PDE11A: variants seen among roughly 807,000 people sequenced by gnomAD.
PDE11A encodes the protein phosphodiesterase 11A.
PDE11A carries 100 observed loss-of-function variants against 100.5 expected under a neutral mutation model. That is an observed-to-expected ratio of 1.00 (90% CI 0.85 to 1.18). The LOEUF (loss-of-function observed/expected upper bound fraction) is 1.18, where lower values mean the gene tolerates loss of function less well. Among genes scored for constraint, PDE11A ranks in the 50% most tolerant of loss-of-function variants. The pLI is 0.00. For synonymous variants in PDE11A, 381 were observed against 420.8 expected (o/e 0.91, Z 1.16); for missense variants, 1,141 against 1,152.6 (o/e 0.99, Z 0.15).
chr2:177,784,929 C>T (rs532916729), intron 9 of PDE11A, among the ~76,000 whole-genome samples: 1 of 152,302 alleles, frequency 6.6e-6, no homozygotes, highest in South Asian at 2.1e-4. Flanking sequence ...AGGATTTAAT[C>T]TGTTTATACG....
At chr2:177,889,480 G>T (rs1179190235) in intron 4 of PDE11A, among the ~76,000 whole-genome samples, 1 of 150,914 alleles carries the variant, frequency 6.6e-6, no homozygotes, top group African/African-American at 2.5e-5. Flanking sequence ...TTATAATTTT[G>T]AATGTTTTTT....
At position 177,741,566 on chromosome 2, in the gene PDE11A, G is replaced by C. The variant is rs1366568233; in HGVS notation, c.1789-13394C>G. Among the ~76,000 whole-genome samples the C allele has an allele frequency of 2.6e-5, 4 of 152,164 alleles. No homozygotes were observed. In the East Asian group the frequency reaches 7.7e-4, roughly 29 times the overall value. On this transcript the variant is annotated intron_variant, in intron 10 of 19. Transcript: ENST00000286063. ...ATGTTCCATGTCAGACCCAAAAATGGTGGTCCCTTTAAAGTGTCCTGATTA... is the reference window on the plus strand; with the variant it reads ...ATGTTCCATGTCAGACCCAAAAATGCTGGTCCCTTTAAAGTGTCCTGATTA...
chr2:178,098,027 G>A lies in PDE11A; in HGVS notation c.162+6275C>T, dbSNP rs574695024. Among the ~76,000 whole-genome samples, 30 of 152,222 alleles carry A rather than the reference G, an allele frequency of 2.0e-4. No individual in the cohort carries two copies. The East Asian group carries it at 5.0e-3, about 25-fold the overall frequency. On this transcript the variant is annotated intron_variant, in intron 2 of 20. Coordinates refer to the PDE11A transcript ENST00000358450. ...AGCCTAGCAAATTTGCTAACTCTCA[G>A]TAAGACTTTTACTGAAACATAGGGG... is the stretch of plus-strand genomic sequence containing the variant.
At chr2:177,869,515 T>G (rs1040745127) in intron 5 of PDE11A, among the ~76,000 whole-genome samples, 2 of 152,224 alleles carry the variant, frequency 1.3e-5, no homozygotes, top group Non-Finnish European at 2.9e-5. Context: ...CTTCCTTTTG[T>G]GTCCTCAACT....
chr2:178,071,970 T>G lies in PDE11A; in HGVS notation c.468A>C (p.Ala156=). ...GCAGGGAGCTTGCCTTCCGGAGAAGTGCCCTCCGTCGTACACTACTCAGGG... is the reference window on the plus strand; with the variant it reads ...GCAGGGAGCTTGCCTTCCGGAGAAGGGCCCTCCGTCGTACACTACTCAGGG... ...QEPLSSVRRR[A]LLRKASSLPP... The change falls in exon 1 of 20, where the codon GCA becomes GCC. Residue 156 remains alanine, a synonymous_variant. Transcript: ENST00000286063. 1 of 1,614,018 alleles carries G rather than the reference T, an allele frequency of 6.2e-7. No individual in the cohort carries two copies. Among genetic ancestry groups the G allele is most frequent in the South Asian group, 1.1e-5 (1 of 91,068 alleles).
intron 1 of PDE11A, among the ~76,000 whole-genome samples, chr2:178,057,108 G>T (rs1220999090): frequency 2.0e-5 from 3 of 152,162 alleles, no homozygotes; most frequent in Admixed American, 2.0e-4. Flanking sequence ...ATAGATAAAT[G>T]CATTTAACTA....
chr2:178,091,290 C>T (rs924977051), intron 2 of PDE11A, among the ~76,000 whole-genome samples: 1 of 152,208 alleles, frequency 6.6e-6, no homozygotes. Context: ...AGGCTGATCT[C>T]CAATTCCTGG....
chr2:177,793,761 A>C (rs967226864), intron 9 of PDE11A, among the ~76,000 whole-genome samples: 4 of 152,114 alleles, frequency 2.6e-5, no homozygotes, highest in African/African-American at 9.7e-5. Context: ...CATCGCTCAC[A>C]CTGCGGCAGT....
chr2:177,865,295 A>G (rs1225584834), intron 5 of PDE11A, among the ~76,000 whole-genome samples: 1 of 152,208 alleles, frequency 6.6e-6, no homozygotes, highest in Non-Finnish European at 1.5e-5. Context: ...CCCCAAAAAA[A>G]CAAAAACCAC....
intron 2 of PDE11A, among the ~76,000 whole-genome samples, chr2:177,987,799 T>G (rs1318189855): frequency 1.3e-5 from 2 of 152,248 alleles, no homozygotes; most frequent in African/African-American, 2.4e-5. Context: ...TTTTGCTTAA[T>G]ACTTTGTGTT....
intron 1 of PDE11A, chr2:178,039,058 A>C (rs1047169385): frequency 1.3e-5 from 2 of 152,164 alleles, no homozygotes; most frequent in African/African-American, 4.8e-5. Context: ...TTCTACCATA[A>C]AGGCATGCAC....
chr2:178,015,524 T>C (rs1418334833), intron 1 of PDE11A, among the ~76,000 whole-genome samples: 1 of 152,112 alleles, frequency 6.6e-6, no homozygotes, highest in Non-Finnish European at 1.5e-5. Flanking sequence ...AAATATGTGA[T>C]CCTTTACTAG....
chr2:178,037,532 A>G (rs2086629335), intron 1 of PDE11A, among the ~76,000 whole-genome samples: 1 of 152,196 alleles, frequency 6.6e-6, no homozygotes, highest in African/African-American at 2.4e-5. Flanking sequence ...TATATACCCA[A>G]AGGATTATAA....
intron 1 of PDE11A, among the ~76,000 whole-genome samples, chr2:178,016,131 ATTTTTTT>A (rs55638601): frequency 2.4e-5 from 2 of 83,744 alleles, no homozygotes; most frequent in African/African-American, 4.9e-5. Context: ...TGCCTGGCTA[ATTTTTTT>A]TTTTTTTTTT....
rs567742310 is a variant in PDE11A, at chr2:177,744,389, G to C, written c.1789-16217C>G. ...TTAGAGAGATCAACATGAATCTAAA[G>C]TATGTTCAGACTTCTTTCGGATTCC... On this transcript the variant is annotated intron_variant, in intron 10 of 19. Coordinates refer to ENST00000286063, the MANE Select transcript of PDE11A (RefSeq NM_016953.4). Among the ~76,000 whole-genome samples the C allele has an allele frequency of 1.2e-4, 18 of 150,968 alleles. No individual in the cohort carries two copies. In the South Asian group the frequency reaches 3.8e-3, roughly 32 times the overall value.
chr2:178,022,535 A>C (rs28621588), intron 1 of PDE11A, among the ~76,000 whole-genome samples: 1,578 of 152,196 alleles, frequency 0.01, 25 homozygotes, highest in African/African-American at 0.036. Context: ...AAAATTGTCT[A>C]GGTAAGGATG....
At chr2:177,935,564 C>T (rs995063818) in intron 2 of PDE11A, among the ~76,000 whole-genome samples, 3 of 152,176 alleles carry the variant, frequency 2.0e-5, no homozygotes, top group Non-Finnish European at 4.4e-5. Context: ...CAAGAGACCA[C>T]ACAAACCAAC....
intron 5 of PDE11A, among the ~76,000 whole-genome samples, chr2:177,874,266 G>A (rs530891465): frequency 6.6e-6 from 1 of 152,226 alleles, no homozygotes; most frequent in South Asian, 2.1e-4. Flanking sequence ...AACATGGGGG[G>A]AATGCCTACT....
intron 13 of PDE11A, among the ~76,000 whole-genome samples, chr2:177,707,700 C>T (rs2081300225): frequency 1.3e-5 from 2 of 152,120 alleles, no homozygotes; most frequent in Admixed American, 6.5e-5. Flanking sequence ...CACGGTAATC[C>T]AACTCCAAAT....
Sources: allele counts gnomAD v4.1 joint callset (sites outside exome capture counted in the v4.1 genomes callset), GRCh38; gene constraint gnomAD v4.1.1; transcripts MANE v1.5; gene names NCBI Gene and HGNC (gene_info 2026-07-23, HGNC 2026-07-21).